CRISPLD1: variants seen among roughly 807,000 people sequenced by gnomAD.
CRISPLD1 encodes the protein cysteine-rich secretory protein LCCL domain-containing 1.
A neutral mutation model predicts 77.5 loss-of-function variants in CRISPLD1; 60 were observed. The ratio of observed to expected loss-of-function variants is 0.77; its 90% confidence interval spans 0.63 to 0.96. The LOEUF (loss-of-function observed/expected upper bound fraction) is 0.96. CRISPLD1 is among the 40% of genes least tolerant of loss of function. The pLI is 0.00. For missense variants in CRISPLD1, 623 were observed against 615.8 expected, an observed-to-expected ratio of 1.01 and a Z score of -0.12; for synonymous variants, 195 against 200.1, an observed-to-expected ratio of 0.97 and a Z score of 0.22.
At chr8:74,986,353 A>T in intron 2 of CRISPLD1, 108 bp downstream of exon 2, 6 of 1,197,180 alleles carry the variant, frequency 5.0e-6, no homozygotes, top group Non-Finnish European at 7.1e-6. Flanking sequence ...AAGTTGAAAA[A>T]AGATTTTCTT....
In CRISPLD1 at chr8:75,017,055, G is replaced by A; in HGVS notation, c.938G>A (p.Cys313Tyr). 1 of 1,612,204 alleles carries A rather than the reference G, an allele frequency of 6.2e-7. No homozygotes were observed. The highest frequency in any genetic ancestry group is 8.5e-7 in the Non-Finnish European group (1 of 1,178,972). The change falls in exon 9 of 15, where the codon TGT (cysteine) becomes TAT (tyrosine). Residue 313 changes from cysteine to tyrosine, a missense_variant. Transcript: ENST00000262207. ...CKGTTCNRYE[C>Y]PAGCLDSKAK... ...CAATTACTTTTATTTAGGTACGAATGTCCTGCTGGCTGTTTGGATAGTAAA... is the reference window on the plus strand; with the variant it reads ...CAATTACTTTTATTTAGGTACGAATATCCTGCTGGCTGTTTGGATAGTAAA...
At chr8:75,028,192 CTT>C in intron 13 of CRISPLD1, among the ~76,000 whole-genome samples, 1 of 152,066 alleles carries the variant, frequency 6.6e-6, no homozygotes, top group Non-Finnish European at 1.5e-5. Flanking sequence ...AAGAAAATGT[CTT>C]TGAGTAAGGA....
At chr8:74,990,872 C>T (rs1587003945) in intron 2 of CRISPLD1, among the ~76,000 whole-genome samples, 1 of 152,090 alleles carries the variant, frequency 6.6e-6, no homozygotes, top group Non-Finnish European at 1.5e-5. Flanking sequence ...CATTACTTGC[C>T]AAATTGTGTA....
At chr8:75,001,518 C>A (rs945627625) in intron 2 of CRISPLD1, among the ~76,000 whole-genome samples, 1 of 152,122 alleles carries the variant, frequency 6.6e-6, no homozygotes, top group Non-Finnish European at 1.5e-5. Context: ...GCATATAAAT[C>A]ATGAAGAATT....
chr8:75,003,194 G>A (rs11775500), intron 2 of CRISPLD1, among the ~76,000 whole-genome samples: 9,893 of 152,176 alleles, frequency 0.065, 370 homozygotes, highest in South Asian at 0.083. Context: ...ACTGAGCAAC[G>A]TAACATAGCA....
Position 75,033,090 on chromosome 8 carries a change from T to A in CRISPLD1, c.*848T>A, listed in dbSNP as rs1813381310. On this transcript the variant is annotated 3_prime_UTR_variant, in exon 15 of 15. Coordinates refer to ENST00000262207, the MANE Select transcript of CRISPLD1 (RefSeq NM_031461.6). ...GTATTACATTACCATTGCCACTGAT[T>A]TTTTTTTAAATGGTAAATGACCTTG... The A allele has an allele frequency of 6.6e-6, 1 of 152,086 alleles. No individual in the cohort carries two copies. The highest frequency in any genetic ancestry group is 2.4e-5 in the African/African-American group (1 of 41,354). The allele number at this position is 152,086 out of a possible 1,614,324, so 9.4% of individuals were successfully genotyped here. A position where few individuals can be genotyped will look rare whatever the true frequency, so the allele number is the denominator to read the frequency against.
intron 2 of CRISPLD1, among the ~76,000 whole-genome samples, chr8:75,008,608 A>G (rs942951860): frequency 1.3e-5 from 2 of 152,150 alleles, no homozygotes; most frequent in African/African-American, 4.8e-5. Context: ...AGTCACTAAT[A>G]TTAATATTGA....
chr8:75,010,377 G>C (rs933081836), intron 2 of CRISPLD1, among the ~76,000 whole-genome samples: 1 of 152,028 alleles, frequency 6.6e-6, no homozygotes, highest in Non-Finnish European at 1.5e-5. Context: ...TAGATTCCCT[G>C]TATCCTTTAA....
intron 14 of CRISPLD1, among the ~76,000 whole-genome samples, chr8:75,031,480 T>G (rs1587035236): frequency 6.6e-6 from 1 of 151,994 alleles, no homozygotes. Context: ...TAAATAAATA[T>G]AAACAATTTA....
At chr8:75,030,749 T>A (rs1587034483) in intron 14 of CRISPLD1, among the ~76,000 whole-genome samples, 2 of 135,096 alleles carry the variant, frequency 1.5e-5, no homozygotes, top group Admixed American at 7.2e-5. Flanking sequence ...TATGAGTGTG[T>A]GTATATATGT....
At chr8:75,030,909 CAT>C (rs957802290) in intron 14 of CRISPLD1, among the ~76,000 whole-genome samples, 8 of 151,752 alleles carry the variant, frequency 5.3e-5, no homozygotes, top group African/African-American at 1.5e-4. Flanking sequence ...CATATACATA[CAT>C]ATATATACAC....
At chr8:75,025,414 T>A (rs1315377207) in intron 12 of CRISPLD1, 132 bp from the exon 13 acceptor site, 1 of 286,010 alleles carries the variant, frequency 3.5e-6, no homozygotes, top group Non-Finnish European at 6.3e-6. Flanking sequence ...AATTGACCTA[T>A]TTCAGGAGAA....
intron 10 of CRISPLD1, among the ~76,000 whole-genome samples, chr8:75,017,941 A>T (rs1388081731): frequency 1.3e-5 from 2 of 152,200 alleles, no homozygotes; most frequent in South Asian, 4.1e-4. Context: ...CCAATATAAA[A>T]GCATTTAATT....
At chr8:75,028,542 T>A (rs1337029360) in intron 13 of CRISPLD1, among the ~76,000 whole-genome samples, 1 of 152,168 alleles carries the variant, frequency 6.6e-6, no homozygotes, top group African/African-American at 2.4e-5. Context: ...GGTAAAACAT[T>A]TGGACTAAAG....
Position 75,032,724 on chromosome 8 carries a change from T to C in CRISPLD1, c.*482T>C, listed in dbSNP as rs1301126180. ...CAAATAATCTCAAATAATTTTCCACTTAATAACTGTAAAGTTTTTTTCTGT... is the reference window on the plus strand; with the variant it reads ...CAAATAATCTCAAATAATTTTCCACCTAATAACTGTAAAGTTTTTTTCTGT... On this transcript the variant is annotated 3_prime_UTR_variant, in exon 15 of 15. Coordinates refer to ENST00000262207, the MANE Select transcript of CRISPLD1 (RefSeq NM_031461.6). The C allele has an allele frequency of 2.6e-5, 4 of 152,082 alleles. No homozygotes were observed. Among genetic ancestry groups the C allele is most frequent in the African/African-American group, 9.6e-5 (4 of 41,456 alleles). The allele number at this position is 152,082 out of a possible 1,614,324, so 9.4% of individuals were successfully genotyped here. A position where few individuals can be genotyped will look rare whatever the true frequency, so the allele number is the denominator to read the frequency against.
rs750806807 is a variant in CRISPLD1 at position 75,013,031 on chromosome 8, G to A, written c.510+9G>A. ...GTACACATTATACACAGGTATGTTT[G>A]GGGGGTATTATACTTAATTCCCCCA... On this transcript the variant is annotated intron_variant, in intron 4 of 14. Transcript: ENST00000262207. 1.3e-6 allele frequency: 2 copies of A among 1,560,134 alleles called. No individual in the cohort carries two copies. Among genetic ancestry groups the A allele is most frequent in the East Asian group, 2.3e-5 (1 of 44,142 alleles).
intron 2 of CRISPLD1, among the ~76,000 whole-genome samples, chr8:75,011,532 C>T (rs1008770841): frequency 2.0e-5 from 3 of 151,984 alleles, no homozygotes; most frequent in African/African-American, 7.2e-5. Context: ...TTTTTACCAG[C>T]ACACATACTA....
chr8:74,987,095 A>G (rs898297724), intron 2 of CRISPLD1, among the ~76,000 whole-genome samples: 2 of 152,116 alleles, frequency 1.3e-5, no homozygotes, highest in Non-Finnish European at 2.9e-5. Context: ...ATTGCAGTTA[A>G]TTTTCATACA....
chr8:75,005,869 G>A (rs1469419331), intron 2 of CRISPLD1, among the ~76,000 whole-genome samples: 1 of 152,114 alleles, frequency 6.6e-6, no homozygotes, highest in African/African-American at 2.4e-5. Context: ...CCTTTGCAAT[G>A]CCACCATATT....
Sources: allele counts gnomAD v4.1 joint callset (sites outside exome capture counted in the v4.1 genomes callset), GRCh38; gene constraint gnomAD v4.1.1; transcripts MANE v1.5; gene names NCBI Gene and HGNC (gene_info 2026-07-23, HGNC 2026-07-21).